Variants in TRMT10B observed in about 807,000 individuals in gnomAD.
TRMT10B encodes the protein tRNA methyltransferase 10B.
In TRMT10B, 33 loss-of-function variants were observed where a neutral mutation model predicts 43.8. The observed-to-expected ratio is 0.75, with a 90% CI of 0.57 to 1.01. The LOEUF (loss-of-function observed/expected upper bound fraction) is 1.01, where lower values mean the gene tolerates loss of function less well. TRMT10B is among the 50% of genes least tolerant of loss of function. The pLI, the probability that TRMT10B is intolerant of heterozygous loss-of-function variation, is 0.00. For missense variants in TRMT10B, 362 were observed against 369.8 expected (o/e 0.98, Z 0.17); for synonymous variants, 137 against 130.6 (o/e 1.05, Z -0.34).
intron 1 of TRMT10B, among the ~76,000 whole-genome samples, chr9:37,759,961 CTT>C (rs1307794382): frequency 5.9e-5 from 9 of 152,182 alleles, no homozygotes; most frequent in Non-Finnish European, 1.2e-4. Context: ...CCCTTAAAAT[CTT>C]TGCCAAAAAA....
intron 7 of TRMT10B, among the ~76,000 whole-genome samples, chr9:37,774,764 C>T (rs1389002754): frequency 1.3e-5 from 2 of 152,172 alleles, no homozygotes; most frequent in Non-Finnish European, 2.9e-5. Context: ...CAGGTGTCAG[C>T]ACCGAAAAGG....
At position 37,770,019 on chromosome 9, in the gene TRMT10B, GGT is replaced by G. The variant is rs1563999741; in HGVS notation, c.652+1_652+2del. 1 of 1,611,536 alleles carries G rather than the reference GGT, an allele frequency of 6.2e-7. No homozygotes were observed. The highest frequency in any genetic ancestry group is 1.7e-5 in the Admixed American group (1 of 60,012). On this transcript the variant is annotated splice_donor_variant, in intron 6 of 8. Coordinates refer to ENST00000297994, the MANE Select transcript of TRMT10B (RefSeq NM_144964.4). LOFTEE classifies it high-confidence loss of function. Reference sequence around the variant, plus strand: ...GTACCTGACTCCTGACTCAGAACACGGTATGTAGTTGAATGCATGGATTCGTA... The same window carrying G: ...GTACCTGACTCCTGACTCAGAACACGATGTAGTTGAATGCATGGATTCGTA...
chr9:37,759,910 G>A (rs1826145280), intron 1 of TRMT10B, among the ~76,000 whole-genome samples: 1 of 152,172 alleles, frequency 6.6e-6, no homozygotes, highest in South Asian at 2.1e-4. Context: ...AGCTCATTGA[G>A]TTAGTATATT....
In TRMT10B at chr9:37,758,069, A is replaced by G. The variant is rs1427594810; in HGVS notation, c.-29-3834A>G. Among the ~76,000 whole-genome samples the G allele has an allele frequency of 3.3e-5, 5 of 152,342 alleles. No homozygotes were observed. The Middle Eastern group carries it at 0.01, about 311-fold the overall frequency. On this transcript the variant is annotated intron_variant, in intron 1 of 8. Coordinates refer to ENST00000297994, the MANE Select transcript of TRMT10B (RefSeq NM_144964.4). ...AAAATGGAAAAGAAAACATAATTCT[A>G]GGACACTAGCCATCTCTACAGTGAA...
At chr9:37,774,906 C>G (rs1463870071) in intron 7 of TRMT10B, among the ~76,000 whole-genome samples, 1 of 152,156 alleles carries the variant, frequency 6.6e-6, no homozygotes, top group African/African-American at 2.4e-5. Flanking sequence ...GATGAAGGGA[C>G]TTGAAATTCA....
intron 5 of TRMT10B, chr9:37,769,729 T>C (rs1476248075): frequency 9.0e-6 from 5 of 553,728 alleles, no homozygotes; most frequent in South Asian, 4.0e-5. Flanking sequence ...CTAAGTATTA[T>C]AGCTGGGACT....
chr9:37,762,998 G>A (rs561968557), intron 3 of TRMT10B, among the ~76,000 whole-genome samples: 6 of 149,076 alleles, frequency 4.0e-5, no homozygotes, highest in South Asian at 2.1e-4. Context: ...AAAAAAAGCC[G>A]GGTGTGGTGG....
intron 4 of TRMT10B, among the ~76,000 whole-genome samples, chr9:37,765,932 T>TG (rs1242039424): frequency 6.6e-6 from 1 of 150,942 alleles, no homozygotes; most frequent in Non-Finnish European, 1.5e-5. Flanking sequence ...TTTGATGGGT[T>TG]TTTTTTTTTT....
At chr9:37,768,316 T>C (rs1360766206) in intron 5 of TRMT10B, 88 bp downstream of exon 5, 2 of 1,403,440 alleles carry the variant, frequency 1.4e-6, no homozygotes, top group Non-Finnish European at 1.9e-6. Flanking sequence ...TCATATATGT[T>C]ACATTTTCAG....
chr9:37,770,373 G>A (rs1041457578), intron 6 of TRMT10B, among the ~76,000 whole-genome samples: 1 of 152,114 alleles, frequency 6.6e-6, no homozygotes, highest in African/African-American at 2.4e-5. Flanking sequence ...AAAATGTATT[G>A]GTATTCAGTT....
Position 37,768,090 on chromosome 9 carries a change from G to A in TRMT10B, c.435G>A (p.Leu145=), listed in dbSNP as rs1238733689. Residue 145 remains leucine, a synonymous_variant, in exon 5 of 9, where the codon CTG becomes CTA. Transcript: ENST00000297994. ...HYMSKKELSR[L]AGQIRRLYGS... The stretch of plus-strand genomic sequence containing the variant: ...TTTCTTTGAAGGAATTAAGTAGACT[G>A]GCTGGACAGATTCGAAGGTTGTATG... 5.0e-6 allele frequency: 8 copies of A among 1,613,938 alleles called. No homozygotes were observed. The African/African-American group carries it at 5.3e-5, about 11-fold the overall frequency.
Position 37,776,348 on chromosome 9 carries a change from A to G in TRMT10B, c.787A>G (p.Met263Val), listed in dbSNP as rs751603892. Residue 263 changes from methionine (M) to valine (V), a missense_variant, in exon 8 of 9, where the codon ATG becomes GTG. Transcript: ENST00000297994. ...CGCACGCTTGCCAATCCAGGAATACATGGTCAGAAACCAGAATGGGAAAAA... is the reference window on the plus strand; with the variant it reads ...CGCACGCTTGCCAATCCAGGAATACGTGGTCAGAAACCAGAATGGGAAAAA... ...KTARLPIQEY[M>V]VRNQNGKNYH... 6.8e-6 allele frequency: 11 copies of G among 1,612,650 alleles called. No individual in the cohort carries two copies. The highest frequency in any genetic ancestry group is 8.5e-6 in the Non-Finnish European group (10 of 1,179,330).
rs752726671 is a variant in TRMT10B at position 37,762,696 on chromosome 9, A to G, written c.295+11A>G. On this transcript the variant is annotated intron_variant, in intron 3 of 8. Transcript: ENST00000297994. ...GTGCAGAAAATCCAGGTGACAATAA[A>G]TGAGACTGTTGGTATAATAATATTT... 6 of 1,567,606 alleles carry G rather than the reference A, an allele frequency of 3.8e-6. No individual in the cohort carries two copies. The highest frequency in any genetic ancestry group is 3.5e-6 in the Non-Finnish European group (4 of 1,155,914).
chr9:37,752,925 T>A (rs533694533), upstream of TRMT10B, among the ~76,000 whole-genome samples: 1 of 152,210 alleles, frequency 6.6e-6, no homozygotes, highest in Non-Finnish European at 1.5e-5. Flanking sequence ...GTTGCCTTTC[T>A]GGACTGTGGG....
At chr9:37,757,043 C>G (rs1230470293) in intron 1 of TRMT10B, among the ~76,000 whole-genome samples, 1 of 151,300 alleles carries the variant, frequency 6.6e-6, no homozygotes, top group African/African-American at 2.4e-5. Flanking sequence ...CTTCACTGTT[C>G]ATTCATGTGG....
In TRMT10B at chr9:37,777,954, G is replaced by A. The variant is rs1031075380; in HGVS notation, c.*247G>A. On this transcript the variant is annotated 3_prime_UTR_variant, in exon 9 of 9. Transcript: ENST00000297994. The stretch of plus-strand genomic sequence containing the variant: ...CGGGAGGCGAAGGTTGCAGTGAGCC[G>A]AGATTTCACCAGTGCACTCCAGCCT... The A allele has an allele frequency of 1.2e-4, 41 of 351,882 alleles. No individual in the cohort carries two copies. Among genetic ancestry groups the A allele is most frequent in the Admixed American group, 2.1e-4 (5 of 24,090 alleles). 21.8% of individuals were successfully genotyped at this position (351,882 alleles called of 1,614,324 possible). A position where few individuals can be genotyped will look rare whatever the true frequency, so the allele number is the denominator to read the frequency against.
intron 1 of TRMT10B, among the ~76,000 whole-genome samples, chr9:37,757,415 T>G (rs1252790068): frequency 6.6e-6 from 1 of 152,230 alleles, no homozygotes; most frequent in Non-Finnish European, 1.5e-5. Context: ...ATACACATTA[T>G]GAAATTTTAT....
At chr9:37,757,006 CTTTT>C (rs11412966) in intron 1 of TRMT10B, among the ~76,000 whole-genome samples, 7 of 147,340 alleles carry the variant, frequency 4.8e-5, no homozygotes, top group African/African-American at 1.7e-4. Context: ...TATCTCTTAA[CTTTT>C]TTTTTTTTTA....
chr9:37,756,741 T>TATATAC (rs1554675022), intron 1 of TRMT10B, among the ~76,000 whole-genome samples: 69 of 149,866 alleles, frequency 4.6e-4, no homozygotes, highest in African/African-American at 1.7e-3. Context: ...TATATATATA[T>TATATAC]ACACACACAC....
Sources: gnomAD v4.1 joint callset for allele counts (sites outside exome capture counted in the v4.1 genomes callset) on GRCh38, gnomAD v4.1.1 for gene constraint, MANE v1.5 for transcripts, NCBI Gene and HGNC (gene_info 2026-07-23, HGNC 2026-07-21) for gene names.